The following GHR variants were observed in gnomAD, a reference collection of about 807,000 sequenced individuals.
GHR encodes GH receptor.
Under a neutral mutation model 67.1 loss-of-function variants are expected in GHR, and 35 were observed. That is an observed-to-expected ratio of 0.52 (90% confidence interval 0.40 to 0.69). The LOEUF (loss-of-function observed/expected upper bound fraction) is 0.69. GHR is among the 30% of genes least tolerant of loss of function. The pLI is 0.00. For synonymous variants in GHR, 272 were observed against 269.1 expected (o/e 1.01, Z -0.10); for missense variants, 792 against 764.6 (o/e 1.04, Z -0.42).
chr5:42,559,066 T>TA (rs1226427114), intron 1 of GHR, among the ~76,000 whole-genome samples: 135 of 152,322 alleles, frequency 8.9e-4, no homozygotes, highest in African/African-American at 3.2e-3. Context: ...ATGTAAAGCT[T>TA]AAAAAGTGGG....
intron 3 of GHR, among the ~76,000 whole-genome samples, chr5:42,680,231 T>C (rs974383270): frequency 1.3e-5 from 2 of 152,184 alleles, no homozygotes; most frequent in Non-Finnish European, 2.9e-5. Context: ...CCTCAGAACA[T>C]ATGAAAGTGA....
chr5:42,486,095 T>G (rs1411071458), intron 1 of GHR, among the ~76,000 whole-genome samples: 1 of 152,206 alleles, frequency 6.6e-6, no homozygotes, highest in Non-Finnish European at 1.5e-5. Flanking sequence ...TCATGAATGC[T>G]CCATTCTAAC....
intron 3 of GHR, among the ~76,000 whole-genome samples, chr5:42,635,766 C>G (rs574140749): frequency 6.6e-6 from 1 of 152,246 alleles, no homozygotes; most frequent in Admixed American, 6.5e-5. Flanking sequence ...GACTTAGGCA[C>G]TATTAATGAA....
chr5:42,703,928 A>G (rs1318307351), intron 6 of GHR, among the ~76,000 whole-genome samples: 1 of 151,952 alleles, frequency 6.6e-6, no homozygotes, highest in African/African-American at 2.4e-5. Context: ...TATCTGTTCT[A>G]GCAATTTTTT....
rs568663290 is a variant in GHR at position 42,526,591 on chromosome 5, A to G, written c.-11-39273A>G. Among the ~76,000 whole-genome samples, 8 of 152,344 alleles carry G rather than the reference A, an allele frequency of 5.3e-5. 1 individual carries two copies. The highest frequency in any genetic ancestry group is 4.6e-4 in the Admixed American group (7 of 15,298). ...TTTCATAGTTAGAAAGAAAAAGTCAATGCTGGGCTTTAAGACTTCAAAACT... is the reference window on the plus strand; with the variant it reads ...TTTCATAGTTAGAAAGAAAAAGTCAGTGCTGGGCTTTAAGACTTCAAAACT... On this transcript the variant is annotated intron_variant, in intron 1 of 9. Coordinates refer to ENST00000230882, the MANE Select transcript of GHR (RefSeq NM_000163.5).
chr5:42,467,447 T>C lies in GHR; in HGVS notation c.-12+43492T>C. ...TGGTTTGAGCTCCCAGTAAATGTTT[T>C]CCGACACTCATTACATTTACAGCAT... On this transcript the variant is annotated intron_variant, in intron 1 of 9. Coordinates refer to ENST00000230882, the MANE Select transcript of GHR (RefSeq NM_000163.5). 11 of 971,898 alleles carry C rather than the reference T, an allele frequency of 1.1e-5. No homozygotes were observed. The South Asian group carries it at 1.5e-4, about 14-fold the overall frequency. 60.2% of individuals were successfully genotyped at this position (971,898 alleles called of 1,614,324 possible).
At chr5:42,506,356 T>C (rs1293922129) in intron 1 of GHR, among the ~76,000 whole-genome samples, 1 of 152,206 alleles carries the variant, frequency 6.6e-6, no homozygotes, top group Non-Finnish European at 1.5e-5. Context: ...TTTCTGATGG[T>C]AAAGTTGAAG....
intron 1 of GHR, among the ~76,000 whole-genome samples, chr5:42,518,131 T>C (rs1288313467): frequency 6.7e-6 from 1 of 149,114 alleles, no homozygotes; most frequent in Non-Finnish European, 1.5e-5. Flanking sequence ...TTCATGATTC[T>C]AATAATTAAT....
chr5:42,460,102 C>T (rs1396076026), intron 1 of GHR, among the ~76,000 whole-genome samples: 1 of 152,168 alleles, frequency 6.6e-6, no homozygotes, highest in Non-Finnish European at 1.5e-5. Flanking sequence ...GAGGAACAGA[C>T]ACCCGAGTTC....
intron 2 of GHR, among the ~76,000 whole-genome samples, chr5:42,600,086 G>T (rs1752292883): frequency 6.6e-6 from 1 of 152,226 alleles, no homozygotes; most frequent in South Asian, 2.1e-4. Flanking sequence ...TCATGGAAAG[G>T]TGCAGAAAGT....
chr5:42,430,880 A>G (rs1743064784), intron 1 of GHR, among the ~76,000 whole-genome samples: 1 of 152,144 alleles, frequency 6.6e-6, no homozygotes, highest in Admixed American at 6.5e-5. Flanking sequence ...ACTTTGCTAT[A>G]AGAAACGTCT....
In GHR at chr5:42,578,132, T is replaced by C. The variant is rs372784617; in HGVS notation, c.70+12188T>C. On this transcript the variant is annotated intron_variant, in intron 2 of 9. Transcript: ENST00000230882. ...TGCATTGTAGCATATTTATCAGCAG[T>C]TGTGACCTCGTACCCACTAGATACC... is the stretch of plus-strand genomic sequence containing the variant. Among the ~76,000 whole-genome samples, 26 of 152,202 alleles carry C rather than the reference T, an allele frequency of 1.7e-4. No individual in the cohort carries two copies. The East Asian group carries it at 4.6e-3, about 27-fold the overall frequency.
chr5:42,519,635 T>C (rs1234943453), intron 1 of GHR, among the ~76,000 whole-genome samples: 1 of 152,192 alleles, frequency 6.6e-6, no homozygotes, highest in Non-Finnish European at 1.5e-5. Context: ...TGTCTGTGGA[T>C]CTGATTTCTA....
intron 3 of GHR, among the ~76,000 whole-genome samples, chr5:42,673,081 C>T (rs1756397839): frequency 6.6e-6 from 1 of 152,090 alleles, no homozygotes; most frequent in East Asian, 1.9e-4. Flanking sequence ...AAAACAACCC[C>T]ATTTAAAAAT....
intron 1 of GHR, among the ~76,000 whole-genome samples, chr5:42,561,055 C>G (rs917962787): frequency 1.3e-5 from 2 of 152,314 alleles, no homozygotes; most frequent in African/African-American, 4.8e-5. Flanking sequence ...ACCTTGTTCT[C>G]TATTCACCAG....
chr5:42,678,230 C>A (rs748704139), intron 3 of GHR, among the ~76,000 whole-genome samples: 5 of 152,302 alleles, frequency 3.3e-5, no homozygotes, highest in Non-Finnish European at 7.4e-5. Context: ...CCAAAATCAG[C>A]ACTCTCAGCC....
chr5:42,578,284 A>G (rs1750875498), intron 2 of GHR, among the ~76,000 whole-genome samples: 1 of 152,220 alleles, frequency 6.6e-6, no homozygotes, highest in South Asian at 2.1e-4. Flanking sequence ...TTGAACTGAC[A>G]GTCCCCAGGA....
At position 42,668,074 on chromosome 5, in the gene GHR, C is replaced by G. The variant is rs923436836; in HGVS notation, c.137-20816C>G. ...TATCATGTCATTTTTATAATTCTCA[C>G]TGCACCTAAAGAGTGCCTTACACAC... On this transcript the variant is annotated intron_variant, in intron 3 of 9. Transcript: ENST00000230882. 2.0e-5 allele frequency among the ~76,000 whole-genome samples: 3 copies of G among 152,150 alleles called. No homozygotes were observed. The South Asian group carries it at 6.2e-4, about 32-fold the overall frequency.
intron 3 of GHR, among the ~76,000 whole-genome samples, chr5:42,680,485 T>A (rs1467351652): frequency 6.6e-6 from 1 of 151,966 alleles, no homozygotes; most frequent in Non-Finnish European, 1.5e-5. Flanking sequence ...TTTATTAAGA[T>A]AAATTAATTA....
Sources: gnomAD v4.1 joint callset for allele counts (sites outside exome capture counted in the v4.1 genomes callset) on GRCh38, gnomAD v4.1.1 for gene constraint, MANE v1.5 for transcripts, NCBI Gene and HGNC (gene_info 2026-07-23, HGNC 2026-07-21) for gene names.